The following DAZAP2 variants were observed in gnomAD, a reference collection of about 807,000 sequenced individuals.
DAZAP2 encodes the protein DAZ associated protein 2.
In DAZAP2, 3 loss-of-function variants were observed where a neutral mutation model predicts 16.2. The ratio of observed to expected loss-of-function variants is 0.19; its 90% CI spans 0.08 to 0.48. DAZAP2 has a LOEUF of 0.48. Among genes scored for constraint, DAZAP2 ranks in the 20% least tolerant of loss-of-function variants. The pLI, the probability that DAZAP2 is intolerant of heterozygous loss-of-function variation, is 0.98. For missense variants in DAZAP2, 172 were observed against 215.9 expected, an observed-to-expected ratio of 0.80 and a Z score of 1.27; for synonymous variants, 69 against 77.6, an observed-to-expected ratio of 0.89 and a Z score of 0.58.
intron 1 of DAZAP2, 121 bp downstream of exon 1, chr12:51,239,041 G>A (rs1432333859): frequency 7.0e-6 from 10 of 1,430,582 alleles, no homozygotes; most frequent in Non-Finnish European, 8.5e-6. Context: ...CTCCTTGGCC[G>A]GCTGCAGTCC....
intron 3 of DAZAP2, among the ~76,000 whole-genome samples, chr12:51,241,487 G>A (rs1272879359): frequency 6.6e-6 from 1 of 152,114 alleles, no homozygotes. Flanking sequence ...AATTAAAAAA[G>A]TAGAATGTAT....
In DAZAP2 at chr12:51,243,527, AATATTTCAGGG is replaced by A; in HGVS notation, c.*1072_*1082del. 1 of 985,814 alleles carries A rather than the reference AATATTTCAGGG, an allele frequency of 1.0e-6. No individual in the cohort carries two copies. The highest frequency in any genetic ancestry group is 1.2e-6 in the Non-Finnish European group (1 of 829,920). The allele number at this position is 985,814 out of a possible 1,614,324, so 61.1% of individuals were successfully genotyped here. A position where few individuals can be genotyped will look rare whatever the true frequency, so the allele number is the denominator to read the frequency against. On this transcript the variant is annotated 3_prime_UTR_variant, in exon 4 of 4. Transcript: ENST00000412716. The stretch of plus-strand genomic sequence containing the variant: ...CAGTGAAATCTCATTAGGGTTTAAG[AATATTTCAGGG>A]ATCCTTAATGTTTTGATTTTTGTTT...
chr12:51,240,124 T>C, intron 1 of DAZAP2: 1 of 560,632 alleles, frequency 1.8e-6, no homozygotes, highest in East Asian at 3.0e-5. Flanking sequence ...GTAGGAGCAG[T>C]GAGCAGTGCC....
At chr12:51,245,223 C>T (rs1048031098), downstream of DAZAP2, 2 of 152,122 alleles carry the variant, frequency 1.3e-5, no homozygotes, top group African/African-American at 2.4e-5. Flanking sequence ...ACTTCTAGAA[C>T]TTTCCTAGGG....
At chr12:51,246,450 C>A, downstream of DAZAP2, 1 of 426,750 alleles carries the variant, frequency 2.3e-6, no homozygotes, top group Non-Finnish European at 4.2e-6. Flanking sequence ...ATCTGATCCT[C>A]CCCCTCTTCC....
downstream of DAZAP2, chr12:51,245,059 C>G (rs1944748758): frequency 6.6e-6 from 1 of 151,964 alleles, no homozygotes; most frequent in Admixed American, 6.6e-5. Flanking sequence ...GATCTCCTAA[C>G]CTTGTGATCC....
At chr12:51,239,576 C>G (rs1196901346) in intron 1 of DAZAP2, 1 of 151,388 alleles carries the variant, frequency 6.6e-6, no homozygotes, top group African/African-American at 2.4e-5. Context: ...GTCAAGAGTT[C>G]GAGACCAGCC....
At chr12:51,246,110 G>T, downstream of DAZAP2, 1 of 1,613,864 alleles carries the variant, frequency 6.2e-7, no homozygotes, top group South Asian at 1.1e-5. Context: ...GAAGACAACG[G>T]TGATAACAAC....
chr12:51,245,183 T>G (rs1400223601), downstream of DAZAP2: 1 of 152,172 alleles, frequency 6.6e-6, no homozygotes, highest in Non-Finnish European at 1.5e-5. Context: ...TGCACCATCT[T>G]TGTCTCAAAT....
chr12:51,242,499 C>T lies in DAZAP2; in HGVS notation c.*41C>T. 6.2e-7 allele frequency: 1 copy of T among 1,613,676 alleles called. No homozygotes were observed. The highest frequency in any genetic ancestry group is 2.2e-5 in the East Asian group (1 of 44,878). ...TCTGTGCCGGGAAAGACATCACATACCTTCAGCACTTCTCACAATGTAACT... is the reference window on the plus strand; with the variant it reads ...TCTGTGCCGGGAAAGACATCACATATCTTCAGCACTTCTCACAATGTAACT... On this transcript the variant is annotated 3_prime_UTR_variant, in exon 4 of 4. Coordinates refer to ENST00000412716, the MANE Select transcript of DAZAP2 (RefSeq NM_014764.4).
At chr12:51,246,714 C>A, downstream of DAZAP2, 1 of 1,479,560 alleles carries the variant, frequency 6.8e-7, no homozygotes, top group South Asian at 1.3e-5. Context: ...TGCCCTTGAT[C>A]CAGAAGGTCC....
At position 51,242,689 on chromosome 12, in the gene DAZAP2, TG is replaced by T; in HGVS notation, c.*232del. The T allele has an allele frequency of 6.7e-7, 1 of 1,502,662 alleles. No homozygotes were observed. 93.1% of individuals were successfully genotyped at this position (1,502,662 alleles called of 1,614,324 possible). ...GTAGGGGAGGTATCCATTCATAAAATGAATGTGGGTGAAGCCGCCCTAAGGA... is the reference window on the plus strand; with the variant it reads ...GTAGGGGAGGTATCCATTCATAAAATAATGTGGGTGAAGCCGCCCTAAGGA... On this transcript the variant is annotated 3_prime_UTR_variant, in exon 4 of 4. Coordinates refer to ENST00000412716, the MANE Select transcript of DAZAP2 (RefSeq NM_014764.4).
chr12:51,243,924 A>G lies in DAZAP2; in HGVS notation c.*1466A>G, dbSNP rs1944728821. ...GACGCTTTGAAATAAAGGCAGGAGT[A>G]CAAGCCTAAGACTTGATCATTTCAT... On this transcript the variant is annotated 3_prime_UTR_variant, in exon 4 of 4. Coordinates refer to ENST00000412716, the MANE Select transcript of DAZAP2 (RefSeq NM_014764.4). The G allele has an allele frequency of 7.1e-6, 7 of 984,878 alleles. No individual in the cohort carries two copies. Among genetic ancestry groups the G allele is most frequent in the African/African-American group, 1.7e-5 (1 of 57,226 alleles). 61.0% of individuals were successfully genotyped at this position (984,878 alleles called of 1,614,324 possible). A position where few individuals can be genotyped will look rare whatever the true frequency, so the allele number is the denominator to read the frequency against.
intron 3 of DAZAP2, among the ~76,000 whole-genome samples, chr12:51,241,992 C>G (rs1031355519): frequency 6.6e-6 from 1 of 151,908 alleles, no homozygotes; most frequent in African/African-American, 2.4e-5. Context: ...CATACATGGA[C>G]TGGCACCCTG....
rs758764846 is a variant in DAZAP2 at position 51,241,021 on chromosome 12, G to A, written c.283G>A (p.Gly95Ser). The change falls in exon 3 of 4, where the codon GGT (glycine) becomes AGT (serine). Residue 95 changes from glycine to serine, a missense_variant. Transcript: ENST00000412716. Reference protein sequence around the residue: ...STIPMAYYPVGPIYPPGSTVL... With the variant: ...STIPMAYYPVSPIYPPGSTVL... ...AATCCCCATGGCTTATTATCCAGTC[G>A]GTCCCATCTATCCACCTGGCTCCAC... is the stretch of plus-strand genomic sequence containing the variant. 4 of 1,614,110 alleles carry A rather than the reference G, an allele frequency of 2.5e-6. No individual in the cohort carries two copies. The highest frequency in any genetic ancestry group is 3.3e-5 in the Admixed American group (2 of 60,010).
intron 1 of DAZAP2, 61 bp downstream of exon 1, chr12:51,238,981 T>C (rs1944605344): frequency 6.2e-7 from 1 of 1,603,864 alleles, no homozygotes; most frequent in Non-Finnish European, 8.5e-7. Flanking sequence ...AGCGAGCGGA[T>C]TCGGAGCCCA....
At chr12:51,244,167 T>C (rs986291173), downstream of DAZAP2, among the ~76,000 whole-genome samples, 5 of 152,204 alleles carry the variant, frequency 3.3e-5, no homozygotes, top group Admixed American at 3.3e-4. Flanking sequence ...TGAAAACTCA[T>C]AGAATCTAGG....
Position 51,243,889 on chromosome 12 carries a change from T to C in DAZAP2, c.*1431T>C. 2 of 985,420 alleles carry C rather than the reference T, an allele frequency of 2.0e-6. No homozygotes were observed. The highest frequency in any genetic ancestry group is 2.4e-6 in the Non-Finnish European group (2 of 829,908). 61.0% of individuals were successfully genotyped at this position (985,420 alleles called of 1,614,324 possible). A position where few individuals can be genotyped will look rare whatever the true frequency, so the allele number is the denominator to read the frequency against. On this transcript the variant is annotated 3_prime_UTR_variant, in exon 4 of 4. Transcript: ENST00000412716. Reference sequence around the variant, plus strand: ...CAGCTAGGTGCTGCTGCTGCTCTGTTTCCTTTGATGACGCTTTGAAATAAA... The same window carrying C: ...CAGCTAGGTGCTGCTGCTGCTCTGTCTCCTTTGATGACGCTTTGAAATAAA...
At chr12:51,244,277 A>G (rs1180010435), downstream of DAZAP2, among the ~76,000 whole-genome samples, 2 of 152,070 alleles carry the variant, frequency 1.3e-5, no homozygotes, top group Non-Finnish European at 2.9e-5. Context: ...GCTCACTGCA[A>G]CCTCCACCTC....
Sources: gnomAD v4.1 joint callset for allele counts (sites outside exome capture counted in the v4.1 genomes callset) on GRCh38, gnomAD v4.1.1 for gene constraint, MANE v1.5 for transcripts, NCBI Gene and HGNC (gene_info 2026-07-23, HGNC 2026-07-21) for gene names.